Variants in ZGRF1 observed in about 807,000 individuals in gnomAD.
ZGRF1 encodes the protein 5'-3' DNA helicase ZGRF1.
A neutral mutation model predicts 203.5 loss-of-function variants in ZGRF1; 196 were observed. The observed-to-expected ratio is 0.96, with a 90% CI of 0.86 to 1.08. The LOEUF is 1.08. ZGRF1 is among the 50% of genes least tolerant of loss of function. The pLI, the probability that ZGRF1 is intolerant of heterozygous loss-of-function variation, is 0.00. For synonymous variants in ZGRF1, 809 were observed against 841.3 expected, an observed-to-expected ratio of 0.96 and a Z score of 0.66; for missense variants, 2,326 against 2,416.3, an observed-to-expected ratio of 0.96 and a Z score of 0.78.
rs762755855 is a variant in ZGRF1, at chr4:112,539,881, CT to C, written c.6153del (p.Val2052Ter). On this transcript the variant is annotated frameshift_variant, in exon 27 of 28. Coordinates refer to ENST00000505019, the MANE Select transcript of ZGRF1 (RefSeq NM_018392.5). LOFTEE classifies it high-confidence loss of function. ...ACLRKNQLWG[R>X]VIQHCEGRED... The stretch of plus-strand genomic sequence containing the variant: ...ATTTTACCTTCGCAGTGTTGGATCA[CT>C]CGTCCCCAAAGTTGATTTTTCCTCA... The C allele has an allele frequency of 1.2e-6, 2 of 1,613,716 alleles. No individual in the cohort carries two copies. Among genetic ancestry groups the C allele is most frequent in the East Asian group, 4.5e-5 (2 of 44,888 alleles).
intron 3 of ZGRF1, among the ~76,000 whole-genome samples, chr4:112,629,044 T>C (rs1486125337): frequency 6.6e-6 from 1 of 152,178 alleles, no homozygotes; most frequent in Admixed American, 6.5e-5. Context: ...TTAAAGAGCA[T>C]AGACTTGGAG....
At chr4:112,627,092 T>C (rs2047263310) in intron 3 of ZGRF1, among the ~76,000 whole-genome samples, 2 of 152,218 alleles carry the variant, frequency 1.3e-5, no homozygotes, top group Non-Finnish European at 1.5e-5. Context: ...ATTACAGGCA[T>C]GAGCCACCGC....
chr4:112,571,781 T>C (rs1744260517), intron 16 of ZGRF1, among the ~76,000 whole-genome samples: 1 of 152,190 alleles, frequency 6.6e-6, no homozygotes, highest in Non-Finnish European at 1.5e-5. Context: ...CTTGATAAGA[T>C]GATTCTAAAA....
At position 112,619,046 on chromosome 4, in the gene ZGRF1, G is replaced by A; in HGVS notation, c.996C>T (p.Ser332=). The A allele has an allele frequency of 6.2e-7, 1 of 1,613,952 alleles. No individual in the cohort carries two copies. The highest frequency in any genetic ancestry group is 1.7e-5 in the Admixed American group (1 of 60,006). ...AAGAATGTATAGGTGAACTCTGTGA[G>A]GATAAATACATGGCCCACCGGCTTT... The part of the protein sequence containing the change: ...RNKSRWAMYL[S]SQSSPIHSST... Residue 332 remains serine, a synonymous_variant, in exon 6 of 28, where the codon TCC becomes TCT. Coordinates refer to ENST00000505019, the MANE Select transcript of ZGRF1 (RefSeq NM_018392.5).
At chr4:112,583,705 G>A (rs1746668695) in intron 15 of ZGRF1, among the ~76,000 whole-genome samples, 1 of 152,036 alleles carries the variant, frequency 6.6e-6, no homozygotes, top group Non-Finnish European at 1.5e-5. Context: ...TCAGGAGGCT[G>A]AGGTGGGTGG....
chr4:112,554,064 T>C (rs1740480265), intron 21 of ZGRF1, 82 bp from the exon 22 acceptor site: 1 of 1,265,634 alleles, frequency 7.9e-7, no homozygotes, highest in African/African-American at 1.5e-5. Context: ...TTTCTTTTTT[T>C]TATTATACTT....
At chr4:112,575,349 G>A (rs1744964083) in intron 16 of ZGRF1, among the ~76,000 whole-genome samples, 1 of 152,200 alleles carries the variant, frequency 6.6e-6, no homozygotes, top group Non-Finnish European at 1.5e-5. Context: ...CCCAGCGTGA[G>A]CAATGCAGAA....
In ZGRF1 at chr4:112,618,627, T is replaced by C. The variant is rs981470758; in HGVS notation, c.1415A>G (p.Tyr472Cys). Reference sequence around the variant, plus strand: ...TGGCAGAGATGACTCTGATTGTTCATACTCCTTTTCCAGTGTTCCACATGT... The same window carrying C: ...TGGCAGAGATGACTCTGATTGTTCACACTCCTTTTCCAGTGTTCCACATGT... The part of the protein sequence containing the change: ...VNTCGTLEKE[Y>C]EQSESSLPEL... The change falls in exon 6 of 28, where the codon TAT becomes TGT. Residue 472 changes from tyrosine to cysteine, a missense_variant. Coordinates refer to ENST00000505019, the MANE Select transcript of ZGRF1 (RefSeq NM_018392.5). 7.4e-6 allele frequency: 12 copies of C among 1,613,478 alleles called. No individual in the cohort carries two copies. The East Asian group carries it at 2.5e-4, about 33-fold the overall frequency.
intron 22 of ZGRF1, among the ~76,000 whole-genome samples, chr4:112,551,623 A>G (rs995023109): frequency 1.3e-5 from 2 of 152,164 alleles, no homozygotes; most frequent in African/African-American, 4.8e-5. Flanking sequence ...TTAAAGCCAC[A>G]TTTATATCAG....
chr4:112,613,360 T>C (rs1290860070), intron 6 of ZGRF1, among the ~76,000 whole-genome samples: 1 of 152,162 alleles, frequency 6.6e-6, no homozygotes, highest in East Asian at 1.9e-4. Flanking sequence ...TTACTATGGC[T>C]TAAGAAAAAA....
intron 9 of ZGRF1, among the ~76,000 whole-genome samples, chr4:112,604,375 A>G (rs1259359963): frequency 6.6e-6 from 1 of 152,204 alleles, no homozygotes; most frequent in East Asian, 1.9e-4. Context: ...ATATTATACA[A>G]CTATGCATTA....
rs183881269 is a variant in ZGRF1 at position 112,575,179 on chromosome 4, A to C, written c.4438+6484T>G. Among the ~76,000 whole-genome samples, 38 of 152,322 alleles carry C rather than the reference A, an allele frequency of 2.5e-4. No homozygotes were observed. The East Asian group carries it at 6.9e-3, about 28-fold the overall frequency. ...ATTACGTATTTTCAGTTTATTTTCG[A>C]CATTAAATCAGAGCACAGTTGAATC... On this transcript the variant is annotated intron_variant, in intron 16 of 27. Coordinates refer to ENST00000505019, the MANE Select transcript of ZGRF1 (RefSeq NM_018392.5).
At chr4:112,541,061 G>A (rs371444959) in intron 25 of ZGRF1, 31 bp downstream of exon 25, 42 of 1,554,524 alleles carry the variant, frequency 2.7e-5, no homozygotes, top group Middle Eastern at 3.3e-4. Flanking sequence ...CCTAAACCAT[G>A]TTGACTCTCA....
At chr4:112,610,545 T>C (rs1751425851) in intron 7 of ZGRF1, among the ~76,000 whole-genome samples, 1 of 151,180 alleles carries the variant, frequency 6.6e-6, no homozygotes, top group South Asian at 2.1e-4. Context: ...CTCTCCAGCC[T>C]GGGCAATAGA....
intron 18 of ZGRF1, 173 bp downstream of exon 18, chr4:112,562,198 T>C (rs1742131094): frequency 6.0e-6 from 3 of 503,672 alleles, no homozygotes; most frequent in African/African-American, 1.9e-5. Context: ...CATGAGCCAC[T>C]GCACCCAGCC....
chr4:112,541,301 A>T, intron 24 of ZGRF1, 33 bp from the exon 25 acceptor site: 3 of 1,324,118 alleles, frequency 2.3e-6, no homozygotes, highest in Non-Finnish European at 3.1e-6. Flanking sequence ...AATAAAACAT[A>T]ATTTTTTTGT....
rs1206537348 is a variant in ZGRF1 at position 112,548,314 on chromosome 4, C to A, written c.5413G>T (p.Val1805Leu). ...FPCMNDLKFP[V>L]VVLDECSQIT... is the part of the protein sequence containing the mutation. Reference sequence around the variant, plus strand: ...TGACTACACTCATCCAGCACAACTACAGGAAATTTAAGATCATTCATGCAT... The same window carrying A: ...TGACTACACTCATCCAGCACAACTAAAGGAAATTTAAGATCATTCATGCAT... Residue 1805 changes from valine (V) to leucine (L), a missense_variant, in exon 23 of 28, where the codon GTA (valine) becomes TTA (leucine). Transcript: ENST00000505019. 6.4e-7 allele frequency: 1 copy of A among 1,553,332 alleles called. No individual in the cohort carries two copies. Among genetic ancestry groups the A allele is most frequent in the Admixed American group, 2.0e-5 (1 of 51,134 alleles).
intron 24 of ZGRF1, among the ~76,000 whole-genome samples, chr4:112,543,570 T>C (rs776436540): frequency 2.0e-5 from 3 of 152,166 alleles, no homozygotes; most frequent in Non-Finnish European, 4.4e-5. Context: ...TTAAAAGGCA[T>C]TGAAAATAGG....
intron 24 of ZGRF1, 24 bp from the exon 25 acceptor site, chr4:112,541,292 A>C (rs1737542923): frequency 4.3e-6 from 6 of 1,397,276 alleles, no homozygotes; most frequent in Non-Finnish European, 5.8e-6. Flanking sequence ...ATGAAGAAAA[A>C]TAAAACATAA....
Sources: gnomAD v4.1 joint callset for allele counts (sites outside exome capture counted in the v4.1 genomes callset) on GRCh38, gnomAD v4.1.1 for gene constraint, MANE v1.5 for transcripts, NCBI Gene and HGNC (gene_info 2026-07-23, HGNC 2026-07-21) for gene names.